SCPPPQ1: variants seen among roughly 807,000 people sequenced by gnomAD.
SCPPPQ1 encodes the protein secretory calcium-binding phosphoprotein proline- and glutamine-rich 1.
chr4:87,467,950 A>T, the SCPPPQ1 span, among the ~76,000 whole-genome samples: 1 of 152,238 alleles, frequency 6.6e-6, no homozygotes, highest in Non-Finnish European at 1.5e-5. Context: ...TGATGAATGC[A>T]TTATTTAAAA....
chr4:87,463,136 A>G, the SCPPPQ1 span, among the ~76,000 whole-genome samples: 1 of 152,186 alleles, frequency 6.6e-6, no homozygotes, highest in East Asian at 1.9e-4. Context: ...ATTTTGATGT[A>G]AAGATTTTGG....
At chr4:87,464,270 T>C in the SCPPPQ1 span, among the ~76,000 whole-genome samples, 10 of 152,190 alleles carry the variant, frequency 6.6e-5, no homozygotes, top group East Asian at 1.3e-3. Flanking sequence ...TTGTATCTTA[T>C]ATATTTTATA....
chr4:87,464,050 G>T, the SCPPPQ1 span, among the ~76,000 whole-genome samples: 7 of 152,146 alleles, frequency 4.6e-5, no homozygotes, highest in African/African-American at 1.7e-4. Flanking sequence ...CACGAACAAT[G>T]CCCTCAGGTA....
chr4:87,467,091 G>T, the SCPPPQ1 span, among the ~76,000 whole-genome samples: 3 of 152,018 alleles, frequency 2.0e-5, no homozygotes, highest in Non-Finnish European at 4.4e-5. Flanking sequence ...TTCAAGACCT[G>T]GTTCAGATAC....
the SCPPPQ1 span, among the ~76,000 whole-genome samples, chr4:87,462,779 C>T: frequency 6.6e-6 from 1 of 152,120 alleles, no homozygotes; most frequent in Non-Finnish European, 1.5e-5. Flanking sequence ...GGGTGGATCT[C>T]TTGAGGTCAG....
the SCPPPQ1 span, among the ~76,000 whole-genome samples, chr4:87,466,240 T>C: frequency 6.6e-6 from 1 of 151,710 alleles, no homozygotes; most frequent in African/African-American, 2.4e-5. Context: ...AACACAAAAA[T>C]TAGCCAGGCA....
the SCPPPQ1 span, among the ~76,000 whole-genome samples, chr4:87,464,983 A>G: frequency 2.0e-5 from 3 of 152,242 alleles, no homozygotes; most frequent in African/African-American, 7.2e-5. Flanking sequence ...GTAAAATTTA[A>G]GCAATTCCTT....
the SCPPPQ1 span, among the ~76,000 whole-genome samples, chr4:87,465,559 C>CAAAAAAAAA: frequency 1.4e-4 from 14 of 98,308 alleles, no homozygotes; most frequent in Non-Finnish European, 1.8e-4. Flanking sequence ...TAGAAATCTA[C>CAAAAAAAAA]AAAAAAAAAA....
the SCPPPQ1 span, among the ~76,000 whole-genome samples, chr4:87,463,749 C>A: frequency 3.9e-4 from 59 of 152,278 alleles, no homozygotes; most frequent in African/African-American, 1.3e-3. Flanking sequence ...CACTTCCATA[C>A]AAGTCCCATC....
At chr4:87,465,441 T>C in the SCPPPQ1 span, among the ~76,000 whole-genome samples, 2 of 151,962 alleles carry the variant, frequency 1.3e-5, no homozygotes. Context: ...TTCTCCCCAA[T>C]TAAATCTAAA....
chr4:87,465,288 C>A, the SCPPPQ1 span, among the ~76,000 whole-genome samples: 1 of 152,036 alleles, frequency 6.6e-6, no homozygotes, highest in African/African-American at 2.4e-5. Flanking sequence ...TTATTCTACA[C>A]AAATAAGGAA....
chr4:87,467,192 C>T, the SCPPPQ1 span, among the ~76,000 whole-genome samples: 7 of 152,176 alleles, frequency 4.6e-5, no homozygotes, highest in African/African-American at 1.2e-4. Flanking sequence ...ATGAGTCTCT[C>T]TTCCTCATCA....
the SCPPPQ1 span, among the ~76,000 whole-genome samples, chr4:87,467,000 G>C: frequency 0.28 from 42,198 of 151,992 alleles, 7,165 homozygotes; most frequent in East Asian, 0.41. Context: ...TTTTCTACCC[G>C]CAAATTGCCT....
the SCPPPQ1 span, among the ~76,000 whole-genome samples, chr4:87,469,743 G>A: frequency 6.6e-6 from 1 of 152,072 alleles, no homozygotes; most frequent in African/African-American, 2.4e-5. Flanking sequence ...TGAAATAGTG[G>A]TCAAGATAAA....
chr4:87,468,037 G>A, the SCPPPQ1 span, among the ~76,000 whole-genome samples: 2 of 152,192 alleles, frequency 1.3e-5, no homozygotes, highest in Non-Finnish European at 2.9e-5. Flanking sequence ...CAGCAACAAG[G>A]TAAAGCAGCA....
the SCPPPQ1 span, among the ~76,000 whole-genome samples, chr4:87,466,183 T>G: frequency 6.6e-6 from 1 of 151,570 alleles, no homozygotes. Flanking sequence ...AGGTCAGGAG[T>G]GAGTTCGCCC....
At chr4:87,467,452 T>TTC in the SCPPPQ1 span, among the ~76,000 whole-genome samples, 1 of 152,188 alleles carries the variant, frequency 6.6e-6, no homozygotes, top group South Asian at 2.1e-4. Flanking sequence ...AAAAAAAATC[T>TTC]TCTTAGAGAA....
the SCPPPQ1 span, among the ~76,000 whole-genome samples, chr4:87,464,704 A>G: frequency 4.6e-5 from 7 of 152,054 alleles, no homozygotes; most frequent in African/African-American, 1.7e-4. Flanking sequence ...CCAGCGTGGT[A>G]GTGCGTCCCT....
At chr4:87,464,598 G>A in the SCPPPQ1 span, among the ~76,000 whole-genome samples, 2 of 152,262 alleles carry the variant, frequency 1.3e-5, no homozygotes, top group Middle Eastern at 3.4e-3. Flanking sequence ...AGCACTTTTG[G>A]AGGCCAAGGG....
Sources: allele counts gnomAD v4.1 joint callset (sites outside exome capture counted in the v4.1 genomes callset), GRCh38; gene constraint gnomAD v4.1.1; transcripts MANE v1.5; gene names NCBI Gene and HGNC (gene_info 2026-07-23, HGNC 2026-07-21).